HOOK3: variants seen among roughly 807,000 people sequenced by gnomAD.
HOOK3 encodes protein Hook homolog 3.
Under a neutral mutation model 116.3 loss-of-function variants are expected in HOOK3, and 24 were observed. The observed-to-expected ratio is 0.21, with a 90% CI of 0.15 to 0.29. The LOEUF is 0.29. Ranked by LOEUF, HOOK3 falls within the 10% of genes least tolerant of loss-of-function variation. The pLI is 1.00. For missense variants in HOOK3, 632 were observed against 830.2 expected, an observed-to-expected ratio of 0.76 and a Z score of 2.93; for synonymous variants, 275 against 283.0, an observed-to-expected ratio of 0.97 and a Z score of 0.28.
intron 15 of HOOK3, among the ~76,000 whole-genome samples, chr8:42,994,108 T>C (rs1037979563): frequency 1.3e-5 from 2 of 152,100 alleles, no homozygotes. Context: ...CTCCACCTCC[T>C]GGGTTCAAGT....
chr8:42,901,443 A>T (rs1010487281), intron 1 of HOOK3, among the ~76,000 whole-genome samples: 1 of 152,152 alleles, frequency 6.6e-6, no homozygotes, highest in Non-Finnish European at 1.5e-5. Flanking sequence ...AAAGTGTATA[A>T]TTTTTTTGGT....
intron 14 of HOOK3, among the ~76,000 whole-genome samples, chr8:42,984,913 A>C (rs184426691): frequency 8.1e-4 from 123 of 152,340 alleles, no homozygotes; most frequent in African/African-American, 2.7e-3. Flanking sequence ...AAAAAAGAAC[A>C]ATGATGATAA....
intron 14 of HOOK3, among the ~76,000 whole-genome samples, chr8:42,986,255 A>AGT (rs748254135): frequency 8.5e-5 from 13 of 152,230 alleles, no homozygotes; most frequent in Non-Finnish European, 1.6e-4. Context: ...AATGTCTTGA[A>AGT]GTGATTCTTG....
At chr8:42,924,450 C>T (rs1391240543) in intron 2 of HOOK3, among the ~76,000 whole-genome samples, 1 of 151,996 alleles carries the variant, frequency 6.6e-6, no homozygotes, top group East Asian at 1.9e-4. Flanking sequence ...TGTTTGTCCA[C>T]ACCAGTGTTT....
intron 17 of HOOK3, among the ~76,000 whole-genome samples, chr8:43,006,989 T>C (rs1194193273): frequency 1.3e-5 from 2 of 149,636 alleles, no homozygotes; most frequent in African/African-American, 4.9e-5. Flanking sequence ...GAATATAACA[T>C]ATAAAGTACA....
At chr8:42,966,644 G>A (rs770074106) in intron 10 of HOOK3, 31 bp downstream of exon 10, 2 of 1,605,362 alleles carry the variant, frequency 1.2e-6, no homozygotes, top group South Asian at 1.1e-5. Context: ...GCCCAGCACA[G>A]TTTGGCTCTG....
At chr8:42,975,260 A>C (rs915953191) in intron 13 of HOOK3, among the ~76,000 whole-genome samples, 1 of 152,144 alleles carries the variant, frequency 6.6e-6, no homozygotes, top group Non-Finnish European at 1.5e-5. Flanking sequence ...CTGTGCTGTT[A>C]GGGATTATTT....
chr8:42,901,776 A>T (rs57055559), intron 1 of HOOK3, among the ~76,000 whole-genome samples: 1 of 151,330 alleles, frequency 6.6e-6, no homozygotes, highest in African/African-American at 2.4e-5. Context: ...CAGTGGCACA[A>T]TCTCGGCTCA....
At chr8:43,003,794 C>G (rs2130475845) in intron 17 of HOOK3, among the ~76,000 whole-genome samples, 1 of 152,260 alleles carries the variant, frequency 6.6e-6, no homozygotes, top group East Asian at 1.9e-4. Flanking sequence ...GTAGACAGAT[C>G]ACTCCAGTCT....
intron 2 of HOOK3, among the ~76,000 whole-genome samples, chr8:42,915,558 G>C (rs1480543754): frequency 1.3e-5 from 2 of 152,064 alleles, no homozygotes; most frequent in Admixed American, 1.3e-4. Flanking sequence ...CAGCCTCCCA[G>C]TTAGCTGGGA....
chr8:42,961,759 T>C (rs977444814), intron 8 of HOOK3, among the ~76,000 whole-genome samples: 1 of 152,202 alleles, frequency 6.6e-6, no homozygotes, highest in African/African-American at 2.4e-5. Context: ...CCCCTTTGCT[T>C]TGTTATTTTC....
chr8:42,943,528 G>A (rs1252457895), intron 5 of HOOK3, 83 bp downstream of exon 5: 3 of 893,212 alleles, frequency 3.4e-6, no homozygotes, highest in East Asian at 3.3e-5. Flanking sequence ...TAAATCACCA[G>A]TACCAACAGT....
intron 2 of HOOK3, among the ~76,000 whole-genome samples, chr8:42,916,050 T>C (rs895159429): frequency 2.0e-5 from 3 of 152,126 alleles, no homozygotes; most frequent in South Asian, 2.1e-4. Flanking sequence ...CCACCAAATA[T>C]CTCCTGCCTA....
chr8:42,920,064 A>G (rs957986241), intron 2 of HOOK3, among the ~76,000 whole-genome samples: 1 of 152,204 alleles, frequency 6.6e-6, no homozygotes, highest in African/African-American at 2.4e-5. Context: ...GAGTGGTACA[A>G]AAGTTATAAA....
intron 2 of HOOK3, among the ~76,000 whole-genome samples, chr8:42,921,533 G>T (rs893228646): frequency 6.6e-6 from 1 of 151,960 alleles, no homozygotes; most frequent in Non-Finnish European, 1.5e-5. Flanking sequence ...AACACTTTTG[G>T]GGGTTGTCTG....
At chr8:42,932,798 G>A (rs1807897733) in intron 4 of HOOK3, among the ~76,000 whole-genome samples, 1 of 152,168 alleles carries the variant, frequency 6.6e-6, no homozygotes, top group African/African-American at 2.4e-5. Context: ...ATCAGTACGT[G>A]TGGTTGGAGT....
At chr8:42,939,629 C>A (rs1003697829) in intron 4 of HOOK3, among the ~76,000 whole-genome samples, 1 of 149,890 alleles carries the variant, frequency 6.7e-6, no homozygotes, top group Non-Finnish European at 1.5e-5. Context: ...GGCTGACCCC[C>A]CCACCTCCCT....
At chr8:42,969,274 A>G (rs998859105) in intron 11 of HOOK3, among the ~76,000 whole-genome samples, 3 of 152,224 alleles carry the variant, frequency 2.0e-5, no homozygotes, top group African/African-American at 7.2e-5. Context: ...TTGTGCTACC[A>G]ACAAGCAGTT....
intron 18 of HOOK3, 93 bp downstream of exon 18, chr8:43,008,022 T>C: frequency 1.9e-6 from 1 of 528,006 alleles, no homozygotes; most frequent in Non-Finnish European, 3.1e-6. Flanking sequence ...TATTTATTTT[T>C]TATTTTTATT....
Sources: gnomAD v4.1 joint callset for allele counts (sites outside exome capture counted in the v4.1 genomes callset) on GRCh38, gnomAD v4.1.1 for gene constraint, MANE v1.5 for transcripts, NCBI Gene and HGNC (gene_info 2026-07-23, HGNC 2026-07-21) for gene names.